The following SLC17A6 variants were observed in gnomAD, a reference collection of about 807,000 sequenced individuals.
The protein encoded by SLC17A6 is vesicular glutamate transporter 2.
A neutral mutation model predicts 67.1 loss-of-function variants in SLC17A6; 35 were observed. That is an observed-to-expected ratio of 0.52 (90% CI 0.40 to 0.69). The LOEUF (loss-of-function observed/expected upper bound fraction) is 0.69. Ranked by LOEUF, SLC17A6 falls within the 30% of genes least tolerant of loss-of-function variation. The pLI is 0.00. For missense variants in SLC17A6, 588 were observed against 723.9 expected (o/e 0.81, Z 2.15); for synonymous variants, 285 against 252.3 (o/e 1.13, Z -1.23).
Position 22,370,165 on chromosome 11 carries a change from G to T in SLC17A6, c.1018G>T (p.Val340Phe), listed in dbSNP as rs151086430. The change falls in exon 8 of 12, where the codon GTC (valine) becomes TTC (phenylalanine). Residue 340 changes from valine (V) to phenylalanine (F), a missense_variant. By Grantham distance (50) the Val-to-Phe change is conservative. Around this residue, in one of 4 missense-constraint regions of SLC17A6, gnomAD observed 414 missense variants for 563.4 expected, o/e 0.73. Transcript: ENST00000263160. Reference protein sequence around the residue: ...LISQPAYFEEVFGFEISKVGM... With the variant: ...LISQPAYFEEFFGFEISKVGM... Reference sequence around the variant, plus strand: ...TAGTCAGCCAGCATATTTTGAGGAAGTCTTTGGATTTGAAATTAGCAAGGT... The same window carrying T: ...TAGTCAGCCAGCATATTTTGAGGAATTCTTTGGATTTGAAATTAGCAAGGT... The T allele has an allele frequency of 6.2e-7, 1 of 1,606,802 alleles. No individual in the cohort carries two copies. The highest frequency in any genetic ancestry group is 1.1e-5 in the South Asian group (1 of 88,690).
At position 22,338,619 on chromosome 11, in the gene SLC17A6, GGTAAGACAAA is replaced by G; in HGVS notation, c.86+2_86+11del. ...GGAAAATCACTCGGCCAGATCTACA[GGTAAGACAAA>G]GCGAACACTTGCTTACCTGGGGCTC... On this transcript the variant is annotated splice_donor_variant and splice_donor_5th_base_variant and intron_variant, in intron 1 of 11. Coordinates refer to ENST00000263160, the MANE Select transcript of SLC17A6 (RefSeq NM_020346.3). LOFTEE classifies it high-confidence loss of function. The G allele has an allele frequency of 6.2e-7, 1 of 1,611,390 alleles. No individual in the cohort carries two copies. The highest frequency in any genetic ancestry group is 1.1e-5 in the South Asian group (1 of 90,706).
rs560542654 is a variant in SLC17A6 at position 22,339,960 on chromosome 11, G to A, written c.86+1341G>A. On this transcript the variant is annotated intron_variant, in intron 1 of 11. Coordinates refer to ENST00000263160, the MANE Select transcript of SLC17A6 (RefSeq NM_020346.3). ...TTTTTTCTCCCAGTAAAAATAAATT[G>A]CAATGTTTTCTAACATTGTGATCGG... Among the ~76,000 whole-genome samples, 11 of 151,736 alleles carry A rather than the reference G, an allele frequency of 7.2e-5. No individual in the cohort carries two copies. In the South Asian group the frequency reaches 1.7e-3, roughly 23 times the overall value.
At chr11:22,367,275 A>G (rs1169459014) in intron 7 of SLC17A6, among the ~76,000 whole-genome samples, 2 of 151,748 alleles carry the variant, frequency 1.3e-5, no homozygotes, top group East Asian at 1.9e-4. Context: ...ACATCTCATC[A>G]TAGGTTAAAA....
intron 7 of SLC17A6, among the ~76,000 whole-genome samples, chr11:22,369,608 T>C (rs1363646766): frequency 6.6e-6 from 1 of 152,016 alleles, no homozygotes; most frequent in Non-Finnish European, 1.5e-5. Context: ...TTTCTTTTCA[T>C]GAATACATTG....
At chr11:22,359,566 T>C in intron 4 of SLC17A6, 39 bp downstream of exon 4, 1 of 1,362,374 alleles carries the variant, frequency 7.3e-7, no homozygotes, top group Non-Finnish European at 1.0e-6. Flanking sequence ...AAGATTGGCA[T>C]TTGGTTGAGA....
intron 3 of SLC17A6, among the ~76,000 whole-genome samples, chr11:22,349,872 C>T (rs1370759782): frequency 3.9e-5 from 6 of 152,194 alleles, no homozygotes; most frequent in Non-Finnish European, 1.5e-5. Context: ...ATTAAACAGC[C>T]TGAGTCAGTC....
chr11:22,377,259 A>G, intron 11 of SLC17A6, 146 bp from the exon 12 acceptor site: 1 of 579,650 alleles, frequency 1.7e-6, no homozygotes, highest in Non-Finnish European at 3.0e-6. Context: ...GAAGTGTTAT[A>G]TAGTTTTTGC....
At chr11:22,357,265 G>T (rs1171374224) in intron 3 of SLC17A6, among the ~76,000 whole-genome samples, 2 of 152,158 alleles carry the variant, frequency 1.3e-5, no homozygotes, top group African/African-American at 4.8e-5. Context: ...GTTGTTAGGT[G>T]CTTGTGGAGT....
chr11:22,341,762 G>A lies in SLC17A6; in HGVS notation c.321G>A (p.Gly107=), dbSNP rs1352691796. 2 of 1,614,146 alleles carry A rather than the reference G, an allele frequency of 1.2e-6. No homozygotes were observed. The highest frequency in any genetic ancestry group is 2.2e-5 in the South Asian group (2 of 91,080). The part of the protein sequence containing the change: ...DMVNNSTIHR[G]GKVIKEKAKF... ...TCAACAACAGCACCATCCACCGCGGGGGCAAGGTCATCAAGGAGGTGGGCA... is the reference window on the plus strand; with the variant it reads ...TCAACAACAGCACCATCCACCGCGGAGGCAAGGTCATCAAGGAGGTGGGCA... Residue 107 remains glycine (G), a synonymous_variant, in exon 2 of 12, where the codon GGG becomes GGA. Transcript: ENST00000263160.
chr11:22,342,171 A>G (rs1855823116), intron 2 of SLC17A6, among the ~76,000 whole-genome samples: 1 of 152,230 alleles, frequency 6.6e-6, no homozygotes, highest in Non-Finnish European at 1.5e-5. Context: ...AACATTCTTA[A>G]TATTCACAAT....
intron 7 of SLC17A6, among the ~76,000 whole-genome samples, chr11:22,369,664 CTGATGTGGCAG>C (rs1044671867): frequency 1.3e-5 from 2 of 151,620 alleles, no homozygotes; most frequent in African/African-American, 4.8e-5. Context: ...CACAAGCTCA[CTGATGTGGCAG>C]TGAGTTTTTG....
rs1564977686 is a variant in SLC17A6 at position 22,341,673 on chromosome 11, G to A, written c.232G>A (p.Gly78Ser). The part of the protein sequence containing the change: ...PRRYIIAIMS[G>S]LGFCISFGIR... ...CCGCTACATTATCGCCATCATGAGC[G>A]GCCTGGGCTTCTGCATCTCCTTCGG... The change falls in exon 2 of 12, where the codon GGC becomes AGC. Residue 78 changes from glycine to serine, a missense_variant. By Grantham distance (56) the Gly-to-Ser change is moderately conservative. Transcript: ENST00000263160. 1 of 1,614,198 alleles carries A rather than the reference G, an allele frequency of 6.2e-7. No homozygotes were observed. Among genetic ancestry groups the A allele is most frequent in the South Asian group, 1.1e-5 (1 of 91,086 alleles).
intron 2 of SLC17A6, among the ~76,000 whole-genome samples, chr11:22,342,307 G>C (rs780205439): frequency 6.6e-6 from 1 of 152,094 alleles, no homozygotes; most frequent in East Asian, 1.9e-4. Flanking sequence ...GCAGGGAGTC[G>C]CGCCCAGAGA....
intron 3 of SLC17A6, among the ~76,000 whole-genome samples, chr11:22,353,143 C>T (rs1021957669): frequency 2.6e-5 from 4 of 152,080 alleles, no homozygotes; most frequent in African/African-American, 4.8e-5. Flanking sequence ...AATGGCTAAC[C>T]TTGACAAGCC....
At chr11:22,344,153 C>T (rs1259328145) in intron 3 of SLC17A6, among the ~76,000 whole-genome samples, 1 of 152,176 alleles carries the variant, frequency 6.6e-6, no homozygotes, top group African/African-American at 2.4e-5. Context: ...AAACTAAATG[C>T]TCTTCACGTC....
chr11:22,369,742 A>G (rs939502581), intron 7 of SLC17A6, among the ~76,000 whole-genome samples: 2 of 151,982 alleles, frequency 1.3e-5, no homozygotes, highest in Non-Finnish European at 1.5e-5. Context: ...AAAAACCTTA[A>G]GAAACTAGGA....
chr11:22,375,174 C>T (rs1856219207), intron 9 of SLC17A6, among the ~76,000 whole-genome samples: 1 of 151,752 alleles, frequency 6.6e-6, no homozygotes, highest in Non-Finnish European at 1.5e-5. Flanking sequence ...AGTTCAAGAC[C>T]AGCCTGGCCA....
At chr11:22,351,284 A>T (rs191204635) in intron 3 of SLC17A6, among the ~76,000 whole-genome samples, 1 of 152,094 alleles carries the variant, frequency 6.6e-6, no homozygotes, top group African/African-American at 2.4e-5. Context: ...CAGGCTTGTC[A>T]TGTGGATAGA....
At chr11:22,366,435 A>G (rs1856113423) in intron 7 of SLC17A6, among the ~76,000 whole-genome samples, 1 of 152,184 alleles carries the variant, frequency 6.6e-6, no homozygotes, top group Non-Finnish European at 1.5e-5. Context: ...GAATGCCAAT[A>G]ATAGACAGCT....
Sources: gnomAD v4.1 joint callset for allele counts (sites outside exome capture counted in the v4.1 genomes callset) on GRCh38, gnomAD v4.1.1 for gene constraint, gnomAD v4.1.1 regional missense constraint, MANE v1.5 for transcripts, NCBI Gene and HGNC (gene_info 2026-07-23, HGNC 2026-07-21) for gene names.